GNAO1: variants seen among roughly 807,000 people sequenced by gnomAD.
GNAO1 encodes G protein subunit alpha o1, also known as guanine nucleotide-binding protein G(o) subunit alpha.
For missense variants in GNAO1, 166 were observed against 478.7 expected (o/e 0.35, Z 6.10); for synonymous variants, 164 against 180.7 (o/e 0.91, Z 0.74).
At position 56,317,344 on chromosome 16, in the gene GNAO1, C is replaced by T. The variant is rs77151135; in HGVS notation, c.304-11287C>T. Among the ~76,000 whole-genome samples, 1,218 of 152,308 alleles carry T rather than the reference C, an allele frequency of 8.0e-3. 19 individuals carry two copies. The highest frequency in any genetic ancestry group is 0.029 in the African/African-American group (1,185 of 41,554). On this transcript the variant is annotated intron_variant, in intron 3 of 8. Coordinates refer to ENST00000262493, the MANE Select transcript of GNAO1 (RefSeq NM_020988.3). The stretch of plus-strand genomic sequence containing the variant: ...CTCAGGGGCTGCTCTCCCTCCACCC[C>T]GATGTGTTCAAGGCACCAACTACTG...
chr16:56,284,450 G>A (rs1473152572), intron 3 of GNAO1, among the ~76,000 whole-genome samples: 5 of 152,238 alleles, frequency 3.3e-5, no homozygotes, highest in Admixed American at 1.3e-4. Context: ...AGCATCAGTG[G>A]CTTTCCTTGA....
chr16:56,208,419 A>ATGTG (rs35244461), intron 2 of GNAO1, among the ~76,000 whole-genome samples: 123 of 148,934 alleles, frequency 8.3e-4, no homozygotes, highest in Middle Eastern at 3.5e-3. Context: ...GCTGCTATCA[A>ATGTG]TGTGTGTGTG....
intron 6 of GNAO1, among the ~76,000 whole-genome samples, chr16:56,350,807 C>T (rs2037912789): frequency 6.6e-6 from 1 of 152,110 alleles, no homozygotes; most frequent in Non-Finnish European, 1.5e-5. Context: ...GAACATCCCC[C>T]TACCCAGGAT....
intron 2 of GNAO1, among the ~76,000 whole-genome samples, chr16:56,198,069 A>C (rs1038733878): frequency 5.3e-5 from 8 of 152,226 alleles, no homozygotes; most frequent in Non-Finnish European, 1.0e-4. Context: ...CAAAACAAAA[A>C]AAACCACATT....
intron 2 of GNAO1, among the ~76,000 whole-genome samples, chr16:56,237,871 C>A (rs770509616): frequency 1.3e-5 from 2 of 152,090 alleles, no homozygotes; most frequent in South Asian, 2.1e-4. Context: ...CAGCTGGCAA[C>A]GGATAAAAGA....
intron 3 of GNAO1, among the ~76,000 whole-genome samples, chr16:56,317,057 T>C (rs2037518578): frequency 6.6e-6 from 1 of 152,176 alleles, no homozygotes; most frequent in Non-Finnish European, 1.5e-5. Flanking sequence ...AAAACCTGCT[T>C]CTCAGTCATT....
intron 2 of GNAO1, among the ~76,000 whole-genome samples, chr16:56,203,755 C>A (rs2036301222): frequency 2.0e-5 from 3 of 152,174 alleles, no homozygotes; most frequent in Admixed American, 6.5e-5. Context: ...AGCACAAGGC[C>A]TTCCAGGATC....
At chr16:56,229,318 C>A (rs2143392592) in intron 2 of GNAO1, among the ~76,000 whole-genome samples, 1 of 152,296 alleles carries the variant, frequency 6.6e-6, no homozygotes, top group East Asian at 1.9e-4. Flanking sequence ...AATTCTCGTG[C>A]CTCAGCCTCC....
chr16:56,328,865 T>C, intron 4 of GNAO1, 74 bp downstream of exon 4: 1 of 1,480,362 alleles, frequency 6.8e-7, no homozygotes, highest in South Asian at 1.2e-5. Flanking sequence ...TGATGGGGAT[T>C]GGCAGAGCAA....
intron 6 of GNAO1, among the ~76,000 whole-genome samples, chr16:56,342,158 G>A (rs532422512): frequency 2.6e-5 from 4 of 152,334 alleles, no homozygotes; most frequent in Admixed American, 1.3e-4. Flanking sequence ...ACCCGGGCTT[G>A]TGGCCTGTGG....
At chr16:56,282,662 C>T (rs760577757) in intron 3 of GNAO1, among the ~76,000 whole-genome samples, 1 of 152,198 alleles carries the variant, frequency 6.6e-6, no homozygotes, top group Non-Finnish European at 1.5e-5. Context: ...TCCTCAATGG[C>T]CCTACAAGCA....
chr16:56,250,913 G>T (rs902587565), intron 2 of GNAO1, among the ~76,000 whole-genome samples: 1 of 152,174 alleles, frequency 6.6e-6, no homozygotes, highest in Non-Finnish European at 1.5e-5. Flanking sequence ...TGTTGACTTA[G>T]TCCCCACCTT....
chr16:56,246,546 C>G (rs563607536), intron 2 of GNAO1, among the ~76,000 whole-genome samples: 1 of 152,304 alleles, frequency 6.6e-6, no homozygotes, highest in South Asian at 2.1e-4. Context: ...ACGTAAACTT[C>G]GCAGCTGCAG....
At chr16:56,232,837 C>A (rs1329146917) in intron 2 of GNAO1, among the ~76,000 whole-genome samples, 2 of 152,200 alleles carry the variant, frequency 1.3e-5, no homozygotes, top group African/African-American at 4.8e-5. Flanking sequence ...ACCAGAAAGA[C>A]AAAAGACAGC....
intron 2 of GNAO1, among the ~76,000 whole-genome samples, chr16:56,275,243 C>T (rs1204877400): frequency 6.6e-6 from 1 of 152,202 alleles, no homozygotes; most frequent in South Asian, 2.1e-4. Context: ...CTCTCCTGCC[C>T]GGATCCTTGT....
intron 6 of GNAO1, chr16:56,343,911 C>T: frequency 6.2e-7 from 1 of 1,614,134 alleles, no homozygotes; most frequent in Non-Finnish European, 8.5e-7. Context: ...TGACGGACGT[C>T]ATCATCGCCA....
Position 56,191,745 on chromosome 16 carries a change from A to G in GNAO1, c.-491A>G, listed in dbSNP as rs2036174231. 4.9e-6 allele frequency: 1 copy of G among 205,914 alleles called. No homozygotes were observed. Among genetic ancestry groups the G allele is most frequent in the Non-Finnish European group, 9.6e-6 (1 of 104,248 alleles). 12.8% of individuals were successfully genotyped at this position (205,914 alleles called of 1,614,324 possible). A position where few individuals can be genotyped will look rare whatever the true frequency, so the allele number is the denominator to read the frequency against. ...GCACCCCCTAACTCACTCCCTCCAC[A>G]TCCCGCGCCGCCGCCGCCGCCTCCT... On this transcript the variant is annotated 5_prime_UTR_variant, in exon 1 of 9. Transcript: ENST00000262493. The surrounding 1 kb of genome is among the most constrained non-coding windows in gnomAD (Gnocchi z 4.7).
At position 56,351,561 on chromosome 16, in the gene GNAO1, AG is replaced by A. The variant is rs781523996; in HGVS notation, c.877+29del. ...AGGTGGGTGCCAGGCAGTCCTGTGCAGGGGGAAGCCTGCCCCTGACAGGGAC... is the reference window on the plus strand; with the variant it reads ...AGGTGGGTGCCAGGCAGTCCTGTGCAGGGGAAGCCTGCCCCTGACAGGGAC... On this transcript the variant is annotated intron_variant, in intron 7 of 8. Transcript: ENST00000262493. The surrounding 1 kb of genome is among the most constrained non-coding windows in gnomAD (Gnocchi z 6.1). The A allele has an allele frequency of 1.3e-6, 2 of 1,596,834 alleles. No individual in the cohort carries two copies. The highest frequency in any genetic ancestry group is 1.3e-5 in the African/African-American group (1 of 74,686).
chr16:56,260,950 C>G (rs919128044), intron 2 of GNAO1, among the ~76,000 whole-genome samples: 44 of 152,280 alleles, frequency 2.9e-4, no homozygotes, highest in Non-Finnish European at 5.3e-4. Context: ...CTCCCCTACT[C>G]TTGTTCAAAG....
Sources: gnomAD v4.1 joint callset for allele counts (sites outside exome capture counted in the v4.1 genomes callset) on GRCh38, gnomAD v4.1.1 for gene constraint, Gnocchi (gnomAD v3.1) non-coding constraint, MANE v1.5 for transcripts, NCBI Gene and HGNC (gene_info 2026-07-23, HGNC 2026-07-21) for gene names.